Variants in CDH4 observed in about 807,000 individuals in gnomAD.
CDH4 encodes cadherin 4, also known as cadherin-4.
Under a neutral mutation model 86.0 loss-of-function variants are expected in CDH4, and 33 were observed. The observed-to-expected ratio is 0.38, with a 90% CI of 0.29 to 0.51. CDH4 has a LOEUF of 0.51. CDH4 is among the 20% of genes least tolerant of loss of function. CDH4 has a pLI of 0.86. For missense variants in CDH4, 1,114 were observed against 1,307.4 expected (o/e 0.85, Z 2.28); for synonymous variants, 555 against 549.4 (o/e 1.01, Z -0.14).
intron 2 of CDH4, among the ~76,000 whole-genome samples, chr20:61,265,117 A>ATCT (rs200352280): frequency 1.4e-5 from 2 of 138,334 alleles, no homozygotes; most frequent in African/African-American, 2.8e-5. Context: ...TCTTACACAT[A>ATCT]CAGTGGCTCC....
intron 2 of CDH4, among the ~76,000 whole-genome samples, chr20:61,741,528 G>C (rs1021826212): frequency 2.7e-5 from 4 of 150,682 alleles, no homozygotes; most frequent in African/African-American, 9.8e-5. Context: ...GTCTCGCTCT[G>C]TTGCGCAGGC....
intron 4 of CDH4, among the ~76,000 whole-genome samples, chr20:61,817,362 TG>T (rs1980771971): frequency 6.6e-6 from 1 of 152,174 alleles, no homozygotes; most frequent in Admixed American, 6.5e-5. Context: ...GGTTGCTCTC[TG>T]GGCTTAGCCT....
chr20:61,480,477 T>G lies in CDH4; in HGVS notation c.169+225540T>G, dbSNP rs992493118. Among the ~76,000 whole-genome samples, 4 of 152,368 alleles carry G rather than the reference T, an allele frequency of 2.6e-5. No individual in the cohort carries two copies. The highest frequency in any genetic ancestry group is 6.5e-5 in the Admixed American group (1 of 15,310). On this transcript the variant is annotated intron_variant, in intron 2 of 15. Transcript: ENST00000614565. This position sits in a 1 kb window ranked among gnomAD's most constrained non-coding sequence, Gnocchi z 5.2. ...GTCCAGGTTTTATCAAAGTGCCCGATGAGACATGTTCCCTGAGGAACCCAG... is the reference window on the plus strand; with the variant it reads ...GTCCAGGTTTTATCAAAGTGCCCGAGGAGACATGTTCCCTGAGGAACCCAG...
rs780170651 is a variant in CDH4 at position 61,894,933 on chromosome 20, C to G, written c.1074C>G (p.Ile358Met). ...DREKVQQYTV[I>M]VQATDMEGNL... ...AGAAAGTTCAGCAGTACACAGTCAT[C>G]GTTCAGGCCACAGATATGGAAGGAA... Residue 358 changes from isoleucine to methionine, a missense_variant, in exon 8 of 16, where the codon ATC becomes ATG. Transcript: ENST00000614565. The G allele has an allele frequency of 3.7e-6, 6 of 1,613,860 alleles. No individual in the cohort carries two copies. The highest frequency in any genetic ancestry group is 5.1e-6 in the Non-Finnish European group (6 of 1,179,914).
intron 2 of CDH4, among the ~76,000 whole-genome samples, chr20:61,673,240 G>A (rs555000109): frequency 1.1e-4 from 16 of 152,290 alleles, no homozygotes; most frequent in Admixed American, 3.9e-4. Flanking sequence ...CAGACTTGTG[G>A]TTATCATCAG....
At chr20:61,884,026 A>G (rs1224891816) in intron 7 of CDH4, among the ~76,000 whole-genome samples, 6 of 152,086 alleles carry the variant, frequency 3.9e-5, no homozygotes, top group Admixed American at 3.9e-4. Context: ...AGGCCGAGGG[A>G]GGAATCGCTG....
chr20:61,853,133 C>T (rs540955976), intron 6 of CDH4, among the ~76,000 whole-genome samples: 8 of 152,282 alleles, frequency 5.3e-5, no homozygotes, highest in South Asian at 2.1e-4. Flanking sequence ...GCAGGGCCAA[C>T]GGGCTGGGAA....
At chr20:61,585,962 G>T (rs927821198) in intron 2 of CDH4, among the ~76,000 whole-genome samples, 14 of 137,938 alleles carry the variant, frequency 1.0e-4, no homozygotes, top group Admixed American at 8.3e-4. Context: ...GAGGATGATG[G>T]TGATGGTGAT....
At chr20:61,850,136 C>T (rs937179423) in intron 5 of CDH4, among the ~76,000 whole-genome samples, 2 of 152,226 alleles carry the variant, frequency 1.3e-5, no homozygotes, top group Non-Finnish European at 2.9e-5. Context: ...CAGAAGATTC[C>T]TTGAAGGATT....
intron 2 of CDH4, among the ~76,000 whole-genome samples, chr20:61,707,617 A>T (rs2087845723): frequency 6.6e-6 from 1 of 152,206 alleles, no homozygotes; most frequent in Admixed American, 6.5e-5. Context: ...AATCCTTCAC[A>T]ACCGTGGTCC....
chr20:61,848,768 T>C (rs1982579618), intron 5 of CDH4, among the ~76,000 whole-genome samples: 1 of 152,186 alleles, frequency 6.6e-6, no homozygotes, highest in Non-Finnish European at 1.5e-5. Flanking sequence ...GCTCAAGCCA[T>C]CTGCCTGCGT....
At chr20:61,690,598 C>A (rs1391962281) in intron 2 of CDH4, among the ~76,000 whole-genome samples, 1 of 152,128 alleles carries the variant, frequency 6.6e-6, no homozygotes, top group Non-Finnish European at 1.5e-5. Context: ...TGTCTCTGTT[C>A]CTGTTCGGAG....
At chr20:61,763,710 G>A (rs2088665905) in intron 3 of CDH4, among the ~76,000 whole-genome samples, 1 of 152,140 alleles carries the variant, frequency 6.6e-6, no homozygotes, top group South Asian at 2.1e-4. Context: ...TGGAAGCCGG[G>A]TCTTGGTGGC....
At chr20:61,376,477 G>C (rs1023102812) in intron 2 of CDH4, among the ~76,000 whole-genome samples, 1 of 152,158 alleles carries the variant, frequency 6.6e-6, no homozygotes, top group Admixed American at 6.5e-5. Context: ...GCACAGAAGT[G>C]GGGCAGGGGA....
intron 6 of CDH4, among the ~76,000 whole-genome samples, chr20:61,864,037 T>A (rs891088945): frequency 5.9e-5 from 9 of 152,254 alleles, no homozygotes; most frequent in African/African-American, 1.9e-4. Flanking sequence ...GCAGACATTT[T>A]GTTAAGATGA....
intron 2 of CDH4, among the ~76,000 whole-genome samples, chr20:61,721,497 A>C (rs540338635): frequency 1.1e-4 from 16 of 152,312 alleles, no homozygotes; most frequent in African/African-American, 3.8e-4. Flanking sequence ...GCAAATTATA[A>C]TTTACACCCA....
Position 61,287,824 on chromosome 20 carries a change from C to T in CDH4, c.169+32887C>T, listed in dbSNP as rs7270512. Among the ~76,000 whole-genome samples, 208 of 152,278 alleles carry T rather than the reference C, an allele frequency of 1.4e-3. 1 individual carries two copies. Among genetic ancestry groups the T allele is most frequent in the African/African-American group, 3.7e-3 (155 of 41,550 alleles). ...AAGCATCCATTGTGGGAATAAGAGG[C>T]GTGCAGGGACCAGCCTCCTGGGGTT... On this transcript the variant is annotated intron_variant, in intron 2 of 15. Transcript: ENST00000614565.
intron 2 of CDH4, among the ~76,000 whole-genome samples, chr20:61,323,592 AC>A (rs2084520677): frequency 6.6e-6 from 1 of 151,692 alleles, no homozygotes; most frequent in South Asian, 2.1e-4. Flanking sequence ...ACCCCTCCCC[AC>A]CCCTGCTCCC....
intron 2 of CDH4, among the ~76,000 whole-genome samples, chr20:61,295,468 G>A (rs1003301873): frequency 5.9e-5 from 9 of 152,214 alleles, no homozygotes; most frequent in Admixed American, 5.9e-4. Context: ...ATGCAGTTGT[G>A]GATGTACACA....
Sources: allele counts gnomAD v4.1 joint callset (sites outside exome capture counted in the v4.1 genomes callset), GRCh38; gene constraint gnomAD v4.1.1; non-coding constraint Gnocchi (gnomAD v3.1); transcripts MANE v1.5; gene names NCBI Gene and HGNC (gene_info 2026-07-23, HGNC 2026-07-21).